EHMT1: variants seen among roughly 807,000 people sequenced by gnomAD.
EHMT1 encodes euchromatic histone lysine methyltransferase 1, also known as histone-lysine N-methyltransferase EHMT1.
EHMT1 carries 15 observed loss-of-function variants against 147.2 expected under a neutral mutation model. The ratio of observed to expected loss-of-function variants is 0.10; its 90% CI spans 0.07 to 0.16. The LOEUF (loss-of-function observed/expected upper bound fraction) is 0.16. Ranked by LOEUF, EHMT1 falls within the 10% of genes least tolerant of loss-of-function variation. EHMT1 has a pLI of 1.00. For missense variants in EHMT1, 1,587 were observed against 1,772.4 expected (o/e 0.90, Z 1.88); for synonymous variants, 795 against 709.6 (o/e 1.12, Z -1.91).
rs994325623 is a variant in EHMT1 at position 137,745,601 on chromosome 9, C to T, written c.1170+1511C>T. ...CCAGCCCTCCCCGAAGGACAGGCAGCCCTGACTGCACCGTGGGGAAGCAGC... is the reference window on the plus strand; with the variant it reads ...CCAGCCCTCCCCGAAGGACAGGCAGTCCTGACTGCACCGTGGGGAAGCAGC... On this transcript the variant is annotated intron_variant, in intron 6 of 26. Coordinates refer to ENST00000460843, the MANE Select transcript of EHMT1 (RefSeq NM_024757.5). The T allele has an allele frequency of 4.5e-5, 18 of 398,532 alleles. No homozygotes were observed. The East Asian group carries it at 6.4e-4, about 14-fold the overall frequency. The allele number at this position is 398,532 out of a possible 1,614,324, so 24.7% of individuals were successfully genotyped here. A position where few individuals can be genotyped will look rare whatever the true frequency, so the allele number is the denominator to read the frequency against.
chr9:137,832,389 C>T (rs1444197920), intron 25 of EHMT1, among the ~76,000 whole-genome samples: 6 of 151,076 alleles, frequency 4.0e-5, no homozygotes, highest in Admixed American at 3.9e-4. Flanking sequence ...GGCTGGGCTC[C>T]CTCCACAGGC....
chr9:137,713,888 T>C (rs1944966809), intron 2 of EHMT1, among the ~76,000 whole-genome samples: 1 of 152,062 alleles, frequency 6.6e-6, no homozygotes, highest in Admixed American at 6.6e-5. Flanking sequence ...AGGCAGAGCT[T>C]GCAGTGGGCA....
intron 1 of EHMT1, among the ~76,000 whole-genome samples, chr9:137,634,847 C>T (rs1390056684): frequency 1.1e-4 from 16 of 146,062 alleles, no homozygotes; most frequent in South Asian, 2.2e-4. Context: ...GGACTACAGG[C>T]GCCCCCACCA....
chr9:137,789,877 CA>C (rs1439889474), intron 15 of EHMT1, among the ~76,000 whole-genome samples: 1 of 152,234 alleles, frequency 6.6e-6, no homozygotes, highest in Admixed American at 6.5e-5. Context: ...TTACAGGCGC[CA>C]GGCACCACGC....
rs570944673 is a variant in EHMT1, at chr9:137,630,077, G to A, written c.21+11028G>A. On this transcript the variant is annotated intron_variant, in intron 1 of 26. Coordinates refer to ENST00000460843, the MANE Select transcript of EHMT1 (RefSeq NM_024757.5). ...TCTTGGATAAGAGGCCACTTTCCCA[G>A]GAACATCACTGTGAGCTGCTGTTTC... is the stretch of plus-strand genomic sequence containing the variant. Among the ~76,000 whole-genome samples the A allele has an allele frequency of 1.8e-4, 27 of 152,308 alleles. No individual in the cohort carries two copies. The South Asian group carries it at 5.2e-3, about 29-fold the overall frequency.
chr9:137,716,682 A>C lies in EHMT1; in HGVS notation c.142A>C (p.Met48Leu), dbSNP rs145206240. Reference sequence around the variant, plus strand: ...AGAGAAACAGGCAGGAGAGGCCCACATGGCTGCGGACGGTGAGACCAATGG... The same window carrying C: ...AGAGAAACAGGCAGGAGAGGCCCACCTGGCTGCGGACGGTGAGACCAATGG... ...SAEKQAGEAHMAADGETNGSC... is the reference protein window; with the variant it reads ...SAEKQAGEAHLAADGETNGSC... Residue 48 changes from methionine (M) to leucine (L), a missense_variant, in exon 3 of 27, where the codon ATG becomes CTG. This residue lies in a region of EHMT1 where 810 missense variants were observed against 673.0 expected (regional missense o/e 1.20). Coordinates refer to ENST00000460843, the MANE Select transcript of EHMT1 (RefSeq NM_024757.5). 5.6e-6 allele frequency: 9 copies of C among 1,604,476 alleles called. No homozygotes were observed. Among genetic ancestry groups the C allele is most frequent in the Non-Finnish European group, 6.0e-6 (7 of 1,173,326 alleles).
chr9:137,710,570 TTATC>T (rs66535412), intron 1 of EHMT1, among the ~76,000 whole-genome samples: 83,422 of 151,598 alleles, frequency 0.55, 23,775 homozygotes, highest in East Asian at 0.91. Context: ...TTTTCTTGAT[TTATC>T]TATTTCTATA....
chr9:137,636,046 T>C (rs1844048606), intron 1 of EHMT1, among the ~76,000 whole-genome samples: 2 of 151,406 alleles, frequency 1.3e-5, no homozygotes, highest in Non-Finnish European at 2.9e-5. Flanking sequence ...CTCAGCCTCC[T>C]GAGTAGTTGG....
intron 10 of EHMT1, among the ~76,000 whole-genome samples, chr9:137,771,009 C>CA (rs1316452065): frequency 6.6e-6 from 1 of 152,060 alleles, no homozygotes; most frequent in Non-Finnish European, 1.5e-5. Context: ...TATTCTCAGA[C>CA]ACATCAAGTT....
chr9:137,777,700 A>C (rs549604091), intron 12 of EHMT1, among the ~76,000 whole-genome samples, 182 bp from the exon 13 acceptor site: 21 of 152,316 alleles, frequency 1.4e-4, no homozygotes, highest in Admixed American at 1.4e-3. Context: ...AGTCTAGGAA[A>C]AGTTGCCCTA....
At chr9:137,658,112 T>C (rs879776134) in intron 1 of EHMT1, among the ~76,000 whole-genome samples, 1 of 152,198 alleles carries the variant, frequency 6.6e-6, no homozygotes, top group Admixed American at 6.5e-5. Flanking sequence ...CTTCTGCTTC[T>C]TTCGTTCTCC....
At chr9:137,634,726 A>T (rs1449189664) in intron 1 of EHMT1, among the ~76,000 whole-genome samples, 1 of 123,358 alleles carries the variant, frequency 8.1e-6, no homozygotes, top group African/African-American at 3.1e-5. Flanking sequence ...TTTTTTTGAC[A>T]GAGTCTCTCT....
chr9:137,682,805 G>A (rs1482709986), intron 1 of EHMT1, among the ~76,000 whole-genome samples: 1 of 152,222 alleles, frequency 6.6e-6, no homozygotes, highest in African/African-American at 2.4e-5. Context: ...CGGCTGGAGA[G>A]GTGGGGAAGG....
chr9:137,788,590 G>A (rs1952204948), intron 15 of EHMT1: 1 of 152,990 alleles, frequency 6.5e-6, no homozygotes, highest in Non-Finnish European at 1.5e-5. Flanking sequence ...GGCCTCACAG[G>A]TGTAGGGGAT....
At chr9:137,795,440 CAT>C (rs1952854598) in intron 16 of EHMT1, among the ~76,000 whole-genome samples, 5 of 150,224 alleles carry the variant, frequency 3.3e-5, no homozygotes, top group South Asian at 2.1e-4. Flanking sequence ...CTCACACTCA[CAT>C]ACACACACAG....
chr9:137,813,063 C>T lies in EHMT1; in HGVS notation c.2925C>T (p.Pro975=), dbSNP rs772612738. ...VTLKNKEGET[P]LQCASLNSQV... The stretch of plus-strand genomic sequence containing the variant: ...TAAAGAACAAGGAAGGAGAGACGCC[C>T]CTGCAGTGTGCGAGCCTCAACTCTC... The change falls in exon 20 of 27, where the codon CCC becomes CCT. Residue 975 remains proline (P), a synonymous_variant. Transcript: ENST00000460843. The surrounding 1 kb of genome is among the most constrained non-coding windows in gnomAD (Gnocchi z 4.9). 5.0e-6 allele frequency: 8 copies of T among 1,613,908 alleles called. No homozygotes were observed. In the East Asian group the frequency reaches 1.3e-4, roughly 27 times the overall value.
chr9:137,817,521 T>G lies in EHMT1; in HGVS notation c.3457T>G (p.Cys1153Gly). The G allele has an allele frequency of 6.2e-7, 1 of 1,614,196 alleles. No homozygotes were observed. The highest frequency in any genetic ancestry group is 8.5e-7 in the Non-Finnish European group (1 of 1,180,032). ...GGACATCCCACCAGGCACCTTTGTC[T>G]GCGAGTGAGTGAGTCCCTGGGTCAC... The part of the protein sequence containing the change: ...LQDIPPGTFV[C>G]EYVGELISDS... Residue 1153 changes from cysteine (C) to glycine (G), a missense_variant, in exon 24 of 27, where the codon TGC becomes GGC. Cys to Gly is a radical substitution (Grantham distance 159). Transcript: ENST00000460843.
At chr9:137,641,730 A>G (rs1037968179) in intron 1 of EHMT1, among the ~76,000 whole-genome samples, 1 of 152,072 alleles carries the variant, frequency 6.6e-6, no homozygotes, top group Non-Finnish European at 1.5e-5. Context: ...CCTTTCAGGC[A>G]GGGGCAGAGA....
At chr9:137,675,776 CTAATTTTTTTT>C (rs2134385582) in intron 1 of EHMT1, among the ~76,000 whole-genome samples, 1 of 127,040 alleles carries the variant, frequency 7.9e-6, no homozygotes, top group African/African-American at 3.2e-5. Context: ...CCACGCCCGG[CTAATTTTTTTT>C]TTTTTTTTTT....
Sources: gnomAD v4.1 joint callset for allele counts (sites outside exome capture counted in the v4.1 genomes callset) on GRCh38, gnomAD v4.1.1 for gene constraint, gnomAD v4.1.1 regional missense constraint, Gnocchi (gnomAD v3.1) non-coding constraint, MANE v1.5 for transcripts, NCBI Gene and HGNC (gene_info 2026-07-23, HGNC 2026-07-21) for gene names.